The following RSPO3 variants were observed in gnomAD, a reference collection of about 807,000 sequenced individuals.
RSPO3 encodes R-spondin-3.
RSPO3 carries 17 observed loss-of-function variants against 36.5 expected under a neutral mutation model. The observed-to-expected ratio is 0.47, with a 90% CI of 0.32 to 0.70. The LOEUF (loss-of-function observed/expected upper bound fraction) is 0.70. RSPO3 is among the 30% of genes least tolerant of loss of function. The pLI is 0.04. For missense variants in RSPO3, 294 were observed against 322.5 expected (o/e 0.91, Z 0.68); for synonymous variants, 108 against 107.0 (o/e 1.01, Z -0.06).
chr6:127,155,589 A>ATCT, intron 4 of RSPO3, 151 bp downstream of exon 4: 1 of 759,550 alleles, frequency 1.3e-6, no homozygotes, highest in Non-Finnish European at 2.1e-6. Context: ...TAAATTACAG[A>ATCT]ATATAGATGT....
intron 4 of RSPO3, among the ~76,000 whole-genome samples, chr6:127,162,690 G>A (rs1368305189): frequency 2.0e-5 from 3 of 152,074 alleles, no homozygotes; most frequent in Admixed American, 6.6e-5. Flanking sequence ...CTTATATTCC[G>A]AATGGTTTAT....
chr6:127,165,630 T>C (rs986254240), intron 4 of RSPO3, among the ~76,000 whole-genome samples: 1 of 152,006 alleles, frequency 6.6e-6, no homozygotes, highest in South Asian at 2.1e-4. Flanking sequence ...TCCTCCTACC[T>C]TGTCACCCTT....
chr6:127,119,234 C>G lies in RSPO3; in HGVS notation c.42C>G (p.Asn14Lys). Residue 14 changes from asparagine (N) to lysine (K), a missense_variant, in exon 1 of 5, where the codon AAC becomes AAG. By Grantham distance (94) the Asn-to-Lys change is moderately conservative. Around this residue, in one of 3 missense-constraint regions of RSPO3, gnomAD observed 61 missense variants for 51.3 expected, o/e 1.19. Transcript: ENST00000356698. The stretch of plus-strand genomic sequence containing the variant: ...TTTCTTGGCTTTTTATCATTTTGAA[C>G]TTTATGGAATACATCGGCAGCCAAA... Reference protein sequence around the residue: ...RLISWLFIILNFMEYIGSQNA... With the variant: ...RLISWLFIILKFMEYIGSQNA... 4 of 1,613,894 alleles carry G rather than the reference C, an allele frequency of 2.5e-6. No individual in the cohort carries two copies. The highest frequency in any genetic ancestry group is 2.5e-6 in the Non-Finnish European group (3 of 1,179,872).
At chr6:127,143,406 CT>C (rs1272057685) in intron 1 of RSPO3, among the ~76,000 whole-genome samples, 2 of 152,156 alleles carry the variant, frequency 1.3e-5, no homozygotes, top group African/African-American at 4.8e-5. Flanking sequence ...TCTACCCTGT[CT>C]CTTAAGGCCA....
intron 4 of RSPO3, 106 bp from the exon 5 acceptor site, chr6:127,195,717 C>A: frequency 1.4e-6 from 1 of 723,884 alleles, no homozygotes; most frequent in Non-Finnish European, 2.2e-6. Context: ...TAGTATCTAT[C>A]ATTATGATAT....
At chr6:127,152,131 A>G (rs1445199530) in intron 3 of RSPO3, among the ~76,000 whole-genome samples, 2 of 152,152 alleles carry the variant, frequency 1.3e-5, no homozygotes, top group African/African-American at 4.8e-5. Flanking sequence ...GCTTACTGGT[A>G]ATTTATGCTG....
At chr6:127,155,116 G>A (rs1032884156) in intron 3 of RSPO3, 125 bp from the exon 4 acceptor site, 10 of 873,288 alleles carry the variant, frequency 1.1e-5, no homozygotes, top group African/African-American at 5.0e-5. Context: ...CATCTTGCCC[G>A]ACTTTGATCT....
intron 4 of RSPO3, among the ~76,000 whole-genome samples, chr6:127,190,827 C>CTTG (rs1332956311): frequency 2.0e-5 from 3 of 152,142 alleles, no homozygotes; most frequent in African/African-American, 7.2e-5. Context: ...GACCTATAGA[C>CTTG]AGATTTTATC....
At chr6:127,147,324 C>T (rs761956582) in intron 1 of RSPO3, among the ~76,000 whole-genome samples, 21 of 152,108 alleles carry the variant, frequency 1.4e-4, no homozygotes, top group Non-Finnish European at 1.9e-4. Context: ...AATAACCAAA[C>T]GTCACTGTAA....
chr6:127,179,939 C>T (rs1161849274), intron 4 of RSPO3, among the ~76,000 whole-genome samples: 1 of 151,844 alleles, frequency 6.6e-6, no homozygotes, highest in Admixed American at 6.6e-5. Flanking sequence ...ATTAAATGGA[C>T]CAATCTGGAT....
chr6:127,196,036 T>C lies in RSPO3; in HGVS notation c.*29T>C, dbSNP rs1391034030. ...GTTCCATGAGATTATTGTAGACTCA[T>C]GATGCTGCTATCTCAACCAGATGCC... On this transcript the variant is annotated 3_prime_UTR_variant, in exon 5 of 5. Transcript: ENST00000356698. The C allele has an allele frequency of 2.6e-6, 4 of 1,548,538 alleles. No homozygotes were observed. The highest frequency in any genetic ancestry group is 1.3e-5 in the South Asian group (1 of 78,000).
chr6:127,133,595 C>T (rs1195377063), intron 1 of RSPO3, among the ~76,000 whole-genome samples: 1 of 152,116 alleles, frequency 6.6e-6, no homozygotes, highest in Non-Finnish European at 1.5e-5. Context: ...ATTTTTGTAG[C>T]ATGCTCTAAC....
chr6:127,150,383 G>A lies in RSPO3; in HGVS notation c.290-43G>A, dbSNP rs747642350. On this transcript the variant is annotated intron_variant, in intron 2 of 4. Coordinates refer to ENST00000356698, the MANE Select transcript of RSPO3 (RefSeq NM_032784.5). ...CATGTAGAACTGGACCAATAGTTAAGAGAACATAATGCAAGCATATTTCTT... is the reference window on the plus strand; with the variant it reads ...CATGTAGAACTGGACCAATAGTTAAAAGAACATAATGCAAGCATATTTCTT... The A allele has an allele frequency of 8.9e-6, 14 of 1,579,092 alleles. No homozygotes were observed. The South Asian group carries it at 1.3e-4, about 14-fold the overall frequency.
At chr6:127,154,502 T>C (rs1374081087) in intron 3 of RSPO3, among the ~76,000 whole-genome samples, 2 of 152,162 alleles carry the variant, frequency 1.3e-5, no homozygotes. Flanking sequence ...TAGAAGCAGG[T>C]TATCAGCTGA....
chr6:127,144,643 G>GTTTTTTTTTTGTTTTTTTTTTTTTTTTTT (rs1554220624), intron 1 of RSPO3, among the ~76,000 whole-genome samples: 4 of 99,122 alleles, frequency 4.0e-5, no homozygotes, highest in African/African-American at 1.7e-4. Flanking sequence ...GCTTCCCCTT[G>GTTTTTTTTTTGTTTTTTTTTTTTTTTTTT]TTTTTTTTTT....
chr6:127,120,032 A>G (rs968023667), intron 1 of RSPO3: 1 of 152,256 alleles, frequency 6.6e-6, no homozygotes, highest in Non-Finnish European at 1.5e-5. Context: ...GGCCCTTTCA[A>G]GTGTGTCCCC....
At chr6:127,165,418 G>A (rs1403378591) in intron 4 of RSPO3, among the ~76,000 whole-genome samples, 1 of 151,976 alleles carries the variant, frequency 6.6e-6, no homozygotes, top group East Asian at 1.9e-4. Flanking sequence ...AAATCATGAA[G>A]GGATTTTGTT....
chr6:127,138,040 C>T (rs1774195890), intron 1 of RSPO3, among the ~76,000 whole-genome samples: 2 of 152,102 alleles, frequency 1.3e-5, no homozygotes, highest in Admixed American at 6.5e-5. Context: ...ATATCACCTT[C>T]GTCAGATTCA....
At chr6:127,179,963 C>A (rs1430722012) in intron 4 of RSPO3, among the ~76,000 whole-genome samples, 1 of 151,866 alleles carries the variant, frequency 6.6e-6, no homozygotes, top group East Asian at 1.9e-4. Flanking sequence ...TCCAGATAAT[C>A]TCTGCATCTC....
Sources: gnomAD v4.1 joint callset for allele counts (sites outside exome capture counted in the v4.1 genomes callset) on GRCh38, gnomAD v4.1.1 for gene constraint, gnomAD v4.1.1 regional missense constraint, MANE v1.5 for transcripts, NCBI Gene and HGNC (gene_info 2026-07-23, HGNC 2026-07-21) for gene names.